Variants in DENND1B observed in about 807,000 individuals in gnomAD.
The protein encoded by DENND1B is DENN domain containing 1B.
A neutral mutation model predicts 90.1 loss-of-function variants in DENND1B; 59 were observed. The ratio of observed to expected loss-of-function variants is 0.65; its 90% confidence interval spans 0.53 to 0.81. The LOEUF is 0.81. Among genes scored for constraint, DENND1B ranks in the 40% least tolerant of loss-of-function variants. DENND1B has a pLI of 0.00. For synonymous variants in DENND1B, 337 were observed against 324.6 expected, an observed-to-expected ratio of 1.04 and a Z score of -0.41; for missense variants, 862 against 912.6, an observed-to-expected ratio of 0.94 and a Z score of 0.71.
intron 3 of DENND1B, among the ~76,000 whole-genome samples, chr1:197,700,560 C>A (rs1404679691): frequency 1.3e-5 from 2 of 152,022 alleles, no homozygotes. Context: ...TGGGCAAAGA[C>A]TTCATGACAA....
At chr1:197,762,966 T>C (rs955110219) in intron 2 of DENND1B, among the ~76,000 whole-genome samples, 7 of 152,190 alleles carry the variant, frequency 4.6e-5, no homozygotes, top group African/African-American at 1.7e-4. Flanking sequence ...GCTGAACTAC[T>C]ACAGGACCCA....
intron 7 of DENND1B, among the ~76,000 whole-genome samples, chr1:197,651,186 G>A (rs991723850): frequency 5.1e-4 from 78 of 151,682 alleles, no homozygotes; most frequent in African/African-American, 1.6e-3. Flanking sequence ...TCTTTATTAG[G>A]AAAAGTTTAT....
In DENND1B at chr1:197,675,028, AAAAAT is replaced by A. The variant is rs907038117; in HGVS notation, c.127-864_127-860del. ...TTAATAATCTATTTTGTTATATTTG[AAAAAT>A]AAAATTAAGTCTGATTCAAAAGTTA... On this transcript the variant is annotated intron_variant, in intron 3 of 22. Coordinates refer to ENST00000620048, the MANE Select transcript of DENND1B (RefSeq NM_001195215.2). 5.8e-3 allele frequency among the ~76,000 whole-genome samples: 883 copies of A among 152,286 alleles called. 9 individuals carry two copies. Among genetic ancestry groups the A allele is most frequent in the African/African-American group, 0.02 (816 of 41,578 alleles).
At chr1:197,659,087 T>G (rs918848071) in intron 5 of DENND1B, among the ~76,000 whole-genome samples, 1 of 151,224 alleles carries the variant, frequency 6.6e-6, no homozygotes, top group African/African-American at 2.4e-5. Context: ...ACTTTTCATG[T>G]AGAATAAGAG....
chr1:197,641,868 C>T (rs1680297270), intron 10 of DENND1B, among the ~76,000 whole-genome samples: 1 of 151,488 alleles, frequency 6.6e-6, no homozygotes, highest in African/African-American at 2.4e-5. Context: ...TTTATTTCTA[C>T]TATAGGAGAA....
At chr1:197,660,009 T>C (rs1479690747) in intron 5 of DENND1B, among the ~76,000 whole-genome samples, 2 of 151,824 alleles carry the variant, frequency 1.3e-5, no homozygotes, top group South Asian at 2.1e-4. Flanking sequence ...CCAAAACTTA[T>C]ATTTAATATC....
At chr1:197,629,420 C>T (rs891419320) in intron 10 of DENND1B, among the ~76,000 whole-genome samples, 11 of 151,092 alleles carry the variant, frequency 7.3e-5, no homozygotes, top group Admixed American at 4.6e-4. Flanking sequence ...AGTAAACTAT[C>T]GCAAGGACAG....
At position 197,527,317 on chromosome 1, in the gene DENND1B, TG is replaced by T. The variant is rs71131770; in HGVS notation, c.1515+12646del. ...TCACTTGAAGGTTTTTTTTTGTTTT[TG>T]TTTTTTTTCTGAGGCAGAGTTTGGC... On this transcript the variant is annotated intron_variant, in intron 20 of 22. Coordinates refer to ENST00000620048, the MANE Select transcript of DENND1B (RefSeq NM_001195215.2). Among the ~76,000 whole-genome samples, 217 of 149,970 alleles carry T rather than the reference TG, an allele frequency of 1.4e-3. 5 individuals are homozygous for T. The highest frequency in any genetic ancestry group is 4.2e-3 in the African/African-American group (173 of 41,088).
At chr1:197,652,200 T>A (rs1174024318) in intron 7 of DENND1B, 35 bp downstream of exon 7, 8 of 1,573,384 alleles carry the variant, frequency 5.1e-6, no homozygotes, top group South Asian at 3.4e-5. Context: ...GACATAGCTA[T>A]GACTCCCAAA....
At chr1:197,719,488 A>C (rs1660958258) in intron 2 of DENND1B, among the ~76,000 whole-genome samples, 1 of 152,150 alleles carries the variant, frequency 6.6e-6, no homozygotes, top group African/African-American at 2.4e-5. Flanking sequence ...CAAAAATATG[A>C]GTTTTGTGAA....
At chr1:197,557,225 A>T (rs1334067815) in intron 15 of DENND1B, among the ~76,000 whole-genome samples, 2 of 151,948 alleles carry the variant, frequency 1.3e-5, no homozygotes, top group African/African-American at 4.8e-5. Flanking sequence ...ACTAGTTATA[A>T]TTTTTTTAAA....
intron 2 of DENND1B, among the ~76,000 whole-genome samples, chr1:197,715,423 A>T (rs1254455125): frequency 6.6e-6 from 1 of 151,948 alleles, no homozygotes; most frequent in Non-Finnish European, 1.5e-5. Context: ...CACTTTTAAA[A>T]TACTGGTATT....
rs981316288 is a variant in DENND1B, at chr1:197,702,859, T to C, written c.126+12172A>G. 2.6e-5 allele frequency among the ~76,000 whole-genome samples: 4 copies of C among 152,196 alleles called. No homozygotes were observed. In the East Asian group the frequency reaches 7.7e-4, roughly 29 times the overall value. ...AGATTAAAAGTTGTAATTATAATAC[T>C]ATGAGTGTTTAAGACTAAACTAGGG... On this transcript the variant is annotated intron_variant, in intron 3 of 22. Coordinates refer to ENST00000620048, the MANE Select transcript of DENND1B (RefSeq NM_001195215.2).
At chr1:197,770,589 G>GTT (rs1418661349) in intron 2 of DENND1B, among the ~76,000 whole-genome samples, 1 of 134,576 alleles carries the variant, frequency 7.4e-6, no homozygotes, top group African/African-American at 2.6e-5. Flanking sequence ...AAATTAGCCT[G>GTT]TTGTGTGTGT....
intron 6 of DENND1B, among the ~76,000 whole-genome samples, chr1:197,654,840 T>C (rs771666526): frequency 2.0e-5 from 3 of 152,182 alleles, no homozygotes; most frequent in Non-Finnish European, 2.9e-5. Context: ...TCTTACAAGC[T>C]TATTTTCAAA....
intron 7 of DENND1B, among the ~76,000 whole-genome samples, chr1:197,647,786 T>G (rs2125927201): frequency 6.6e-6 from 1 of 151,918 alleles, no homozygotes; most frequent in African/African-American, 2.4e-5. Flanking sequence ...CCATCTCTAC[T>G]AAAAATACAA....
intron 2 of DENND1B, chr1:197,746,982 C>T: frequency 1.9e-6 from 2 of 1,045,230 alleles, no homozygotes; most frequent in Non-Finnish European, 3.0e-6. Context: ...CCTGGTCTAT[C>T]CTCTCTTCAA....
intron 3 of DENND1B, among the ~76,000 whole-genome samples, chr1:197,692,042 A>G (rs981793436): frequency 2.6e-5 from 4 of 151,856 alleles, no homozygotes; most frequent in Non-Finnish European, 4.4e-5. Flanking sequence ...GGTCTGATAT[A>G]CAACACTGTG....
At chr1:197,683,516 C>G (rs955455077) in intron 3 of DENND1B, among the ~76,000 whole-genome samples, 1 of 152,036 alleles carries the variant, frequency 6.6e-6, no homozygotes, top group Non-Finnish European at 1.5e-5. Context: ...CTGAGATATA[C>G]AGAGGAGTAA....
Sources: allele counts gnomAD v4.1 joint callset (sites outside exome capture counted in the v4.1 genomes callset), GRCh38; gene constraint gnomAD v4.1.1; transcripts MANE v1.5; gene names NCBI Gene and HGNC (gene_info 2026-07-23, HGNC 2026-07-21).